The following PPP2R5C variants were observed in gnomAD, a reference collection of about 807,000 sequenced individuals.
The protein encoded by PPP2R5C is serine/threonine-protein phosphatase 2A 56 kDa regulatory subunit gamma isoform.
Under a neutral mutation model 68.9 loss-of-function variants are expected in PPP2R5C, and 7 were observed. The ratio of observed to expected loss-of-function variants is 0.10; its 90% CI spans 0.06 to 0.19. The LOEUF is 0.19. Among genes scored for constraint, PPP2R5C ranks in the 10% least tolerant of loss-of-function variants. The probability of loss-of-function intolerance (pLI) is 1.00; values close to 1 mark genes in which losing one functional copy is unlikely to be tolerated. For missense variants in PPP2R5C, 348 were observed against 641.3 expected (o/e 0.54, Z 4.94); for synonymous variants, 210 against 222.2 (o/e 0.95, Z 0.49).
chr14:101,776,371 C>T (rs767832827), intron 2 of PPP2R5C, among the ~76,000 whole-genome samples: 4 of 152,148 alleles, frequency 2.6e-5, no homozygotes, highest in South Asian at 2.1e-4. Flanking sequence ...CAAACCAGAT[C>T]GCTAAACAGT....
At chr14:101,873,615 C>A (rs552663416) in intron 2 of PPP2R5C, among the ~76,000 whole-genome samples, 2 of 152,158 alleles carry the variant, frequency 1.3e-5, no homozygotes, top group Non-Finnish European at 2.9e-5. Flanking sequence ...TCAGGTGGTT[C>A]TTTTCCCAAC....
intron 3 of PPP2R5C, among the ~76,000 whole-genome samples, chr14:101,794,477 C>T (rs1260702214): frequency 6.6e-6 from 1 of 152,182 alleles, no homozygotes; most frequent in Non-Finnish European, 1.5e-5. Context: ...TTAAATGATT[C>T]TCCTGCCTCA....
At chr14:101,866,676 A>AT (rs1361822395) in intron 2 of PPP2R5C, among the ~76,000 whole-genome samples, 2 of 152,154 alleles carry the variant, frequency 1.3e-5, no homozygotes, top group Non-Finnish European at 2.9e-5. Context: ...TCTCAAAAAA[A>AT]TAAATAAATA....
chr14:101,865,806 G>C (rs2043026579), intron 2 of PPP2R5C, among the ~76,000 whole-genome samples: 1 of 152,210 alleles, frequency 6.6e-6, no homozygotes, highest in South Asian at 2.1e-4. Context: ...AGATTTCTCA[G>C]AATGCTTACC....
chr14:101,843,024 A>G (rs1231323912), intron 1 of PPP2R5C, among the ~76,000 whole-genome samples: 24 of 152,000 alleles, frequency 1.6e-4, no homozygotes, highest in Admixed American at 1.6e-3. Context: ...CCAGGAGTTC[A>G]AGACCAACCT....
chr14:101,760,940 G>A (rs1284172451), upstream of PPP2R5C, among the ~76,000 whole-genome samples: 3 of 107,030 alleles, frequency 2.8e-5, no homozygotes, highest in Non-Finnish European at 5.9e-5. Context: ...GCCGAGGGAA[G>A]AGGAGGGGAG....
exon 1 of PPP2R5C, chr14:101,809,944 T>C (rs1196137105): frequency 3.1e-6 from 5 of 1,613,702 alleles, no homozygotes; most frequent in Non-Finnish European, 4.2e-6. Context: ...GAAGTCTAGA[T>C]GTTGACATGT....
chr14:101,761,020 G>A (rs1399038164), upstream of PPP2R5C, among the ~76,000 whole-genome samples: 7 of 127,168 alleles, frequency 5.5e-5, no homozygotes, highest in Non-Finnish European at 6.9e-5. Flanking sequence ...GGGAGGGCAG[G>A]GGACGGGGTG....
chr14:101,797,628 A>C lies in PPP2R5C; in HGVS notation c.259+11445A>C, dbSNP rs909872367. 8.7e-6 allele frequency: 2 copies of C among 229,194 alleles called. No individual in the cohort carries two copies. The highest frequency in any genetic ancestry group is 5.6e-5 in the South Asian group (1 of 17,856). The allele number at this position is 229,194 out of a possible 1,614,324, so 14.2% of individuals were successfully genotyped here. A position where few individuals can be genotyped will look rare whatever the true frequency, so the allele number is the denominator to read the frequency against. The stretch of plus-strand genomic sequence containing the variant: ...GAAAATGAGGCTCCTGACTCACTTG[A>C]CCTACTGCGTAGGCTCCTAAAAGGG... On this transcript the variant is annotated intron_variant, in intron 3 of 14. Coordinates refer to the PPP2R5C transcript ENST00000328724. The surrounding 1 kb of genome is among the most constrained non-coding windows in gnomAD (Gnocchi z 4.2).
chr14:101,823,007 C>A (rs2040171205), intron 1 of PPP2R5C, among the ~76,000 whole-genome samples: 1 of 152,130 alleles, frequency 6.6e-6, no homozygotes, highest in Non-Finnish European at 1.5e-5. Flanking sequence ...CGGGCTGAGA[C>A]ATTTGCTTAT....
intron 3 of PPP2R5C, among the ~76,000 whole-genome samples, chr14:101,791,487 C>G (rs1002654394): frequency 2.0e-5 from 3 of 152,090 alleles, no homozygotes; most frequent in African/African-American, 7.2e-5. Context: ...ACAAAATACA[C>G]TGTGTATAAA....
At chr14:101,771,508 A>T (rs1239127571) in intron 2 of PPP2R5C, among the ~76,000 whole-genome samples, 1 of 152,084 alleles carries the variant, frequency 6.6e-6, no homozygotes, top group African/African-American at 2.4e-5. Context: ...AGGCGGGTGG[A>T]TCATGAGGTC....
chr14:101,845,798 A>T (rs748613485), intron 1 of PPP2R5C, among the ~76,000 whole-genome samples: 3 of 152,226 alleles, frequency 2.0e-5, no homozygotes, highest in Non-Finnish European at 4.4e-5. Context: ...CAGGAAAGAT[A>T]ATGTAACCTT....
At chr14:101,869,211 T>A (rs1272647623) in intron 2 of PPP2R5C, among the ~76,000 whole-genome samples, 2 of 152,222 alleles carry the variant, frequency 1.3e-5, no homozygotes, top group East Asian at 1.9e-4. Context: ...AGCCTTTGGG[T>A]CTAGCTTCTT....
chr14:101,844,171 AG>A (rs1490887116), intron 1 of PPP2R5C: 1 of 139,548 alleles, frequency 7.2e-6, no homozygotes, highest in Non-Finnish European at 1.5e-5. Flanking sequence ...GTTGATGGCC[AG>A]GTGAGGTGGA....
chr14:101,790,574 A>T (rs1307689499), intron 3 of PPP2R5C, among the ~76,000 whole-genome samples: 2 of 152,150 alleles, frequency 1.3e-5, no homozygotes, highest in African/African-American at 4.8e-5. Flanking sequence ...TTTCTTTTTA[A>T]TGCCGCATCA....
Position 101,781,959 on chromosome 14 carries a change from C to T in PPP2R5C, c.94-4059C>T, listed in dbSNP as rs953781135. On this transcript the variant is annotated intron_variant, in intron 2 of 14. Coordinates refer to the PPP2R5C transcript ENST00000328724. This position sits in a 1 kb window ranked among gnomAD's most constrained non-coding sequence, Gnocchi z 6.4. ...GCCCACCCGCTCTGGGCAGCTGCTC[C>T]CAAGGGAGCCCCTCGCCCTCTCTCT... Among the ~76,000 whole-genome samples, 2 of 151,720 alleles carry T rather than the reference C, an allele frequency of 1.3e-5. No individual in the cohort carries two copies. The highest frequency in any genetic ancestry group is 2.9e-5 in the Non-Finnish European group (2 of 67,854).
At position 101,899,439 on chromosome 14, in the gene PPP2R5C, C is replaced by T. The variant is rs554043613; in HGVS notation, c.853-2280C>T. 1.3e-5 allele frequency among the ~76,000 whole-genome samples: 2 copies of T among 152,310 alleles called. No individual in the cohort carries two copies. Among genetic ancestry groups the T allele is most frequent in the African/African-American group, 2.4e-5 (1 of 41,564 alleles). On this transcript the variant is annotated intron_variant, in intron 8 of 13. Coordinates refer to ENST00000334743, the Ensembl canonical transcript of PPP2R5C. The surrounding 1 kb of genome is among the most constrained non-coding windows in gnomAD (Gnocchi z 4.2). ...CAGCAGCACACAGCCATTGTTGCCT[C>T]GGATTCACATTCCCTGAGTAGACAC... is the stretch of plus-strand genomic sequence containing the variant.
chr14:101,822,318 A>G (rs2040134406), intron 1 of PPP2R5C, among the ~76,000 whole-genome samples: 1 of 152,190 alleles, frequency 6.6e-6, no homozygotes, highest in African/African-American at 2.4e-5. Context: ...CTAATCCCCC[A>G]AAGAGAAAAA....
Sources: allele counts gnomAD v4.1 joint callset (sites outside exome capture counted in the v4.1 genomes callset), GRCh38; gene constraint gnomAD v4.1.1; non-coding constraint Gnocchi (gnomAD v3.1); transcripts MANE v1.5; gene names NCBI Gene and HGNC (gene_info 2026-07-23, HGNC 2026-07-21).